Variants in GHR observed in about 807,000 individuals in gnomAD.
GHR encodes GH receptor.
GHR carries 35 observed loss-of-function variants against 67.1 expected under a neutral mutation model. That is an observed-to-expected ratio of 0.52 (90% CI 0.40 to 0.69). GHR has a LOEUF of 0.69. Ranked by LOEUF, GHR falls within the 30% of genes least tolerant of loss-of-function variation. The pLI, the probability that GHR is intolerant of heterozygous loss-of-function variation, is 0.00. For missense variants in GHR, 792 were observed against 764.6 expected, an observed-to-expected ratio of 1.04 and a Z score of -0.42; for synonymous variants, 272 against 269.1, an observed-to-expected ratio of 1.01 and a Z score of -0.10.
At chr5:42,444,143 C>T (rs1043439561) in intron 1 of GHR, among the ~76,000 whole-genome samples, 1 of 152,120 alleles carries the variant, frequency 6.6e-6, no homozygotes, top group African/African-American at 2.4e-5. Context: ...CAGTCCAATT[C>T]ATGATTTGTT....
At chr5:42,631,190 G>A (rs1310910670) in intron 3 of GHR, among the ~76,000 whole-genome samples, 2 of 152,186 alleles carry the variant, frequency 1.3e-5, no homozygotes, top group African/African-American at 2.4e-5. Context: ...TCTAGGTATG[G>A]AGGATGTGTT....
At chr5:42,474,582 G>T (rs897693716) in intron 1 of GHR, among the ~76,000 whole-genome samples, 3 of 152,022 alleles carry the variant, frequency 2.0e-5, no homozygotes, top group Non-Finnish European at 4.4e-5. Context: ...TCTGACCTAA[G>T]CCTGGGAACC....
intron 3 of GHR, among the ~76,000 whole-genome samples, chr5:42,651,758 T>A (rs1755027423): frequency 6.6e-6 from 1 of 152,212 alleles, no homozygotes; most frequent in East Asian, 1.9e-4. Context: ...ATCTTCAGTG[T>A]TATATCCCAA....
intron 1 of GHR, among the ~76,000 whole-genome samples, chr5:42,430,994 T>C (rs1743069619): frequency 6.6e-6 from 1 of 152,138 alleles, no homozygotes. Context: ...TTGCCAACTA[T>C]TTAACCTTCC....
intron 1 of GHR, among the ~76,000 whole-genome samples, chr5:42,564,941 A>T (rs1213948490): frequency 6.6e-6 from 1 of 152,248 alleles, no homozygotes; most frequent in African/African-American, 2.4e-5. Flanking sequence ...GCTCTACAAA[A>T]GGCAATACGC....
At chr5:42,491,413 A>C (rs1191883201) in intron 1 of GHR, among the ~76,000 whole-genome samples, 1 of 152,216 alleles carries the variant, frequency 6.6e-6, no homozygotes, top group African/African-American at 2.4e-5. Context: ...TGAAGCAGAG[A>C]TGGGTTTCAG....
chr5:42,490,143 CAG>C lies in GHR; in HGVS notation c.-12+66191_-12+66192del. Among the ~76,000 whole-genome samples, 2 of 152,310 alleles carry C rather than the reference CAG, an allele frequency of 1.3e-5. 1 individual carries two copies. ...TAGGTTTGCATTACTTAGATGTTCA[CAG>C]AGCTCTAGCATTTACTTACTGAAAC... On this transcript the variant is annotated intron_variant, in intron 1 of 9. Coordinates refer to ENST00000230882, the MANE Select transcript of GHR (RefSeq NM_000163.5).
At chr5:42,549,737 A>C (rs930439216) in intron 1 of GHR, 9 of 849,058 alleles carry the variant, frequency 1.1e-5, no homozygotes, top group Non-Finnish European at 1.1e-5. Flanking sequence ...GGCTGGATGT[A>C]CCTCTCTAAA....
At chr5:42,646,248 A>C (rs1286772810) in intron 3 of GHR, 1 of 413,026 alleles carries the variant, frequency 2.4e-6, no homozygotes, top group Non-Finnish European at 4.9e-6. Context: ...TAGGACTAGA[A>C]GTTGACCTCA....
At chr5:42,481,569 T>C (rs1745639042) in intron 1 of GHR, among the ~76,000 whole-genome samples, 2 of 152,220 alleles carry the variant, frequency 1.3e-5, no homozygotes, top group Admixed American at 1.3e-4. Context: ...CCATATTTCT[T>C]GGAGGCTTTG....
intron 1 of GHR, among the ~76,000 whole-genome samples, chr5:42,562,240 C>T (rs1317423165): frequency 3.3e-5 from 5 of 152,078 alleles, no homozygotes; most frequent in Admixed American, 2.0e-4. Context: ...TGTCACGTCT[C>T]GTGGCCTGGC....
chr5:42,622,925 G>A (rs1561175760), intron 2 of GHR, among the ~76,000 whole-genome samples: 1 of 152,058 alleles, frequency 6.6e-6, no homozygotes, highest in South Asian at 2.1e-4. Flanking sequence ...CCTGCACCAG[G>A]AGGGCCTAAA....
chr5:42,507,503 C>A (rs780169307), intron 1 of GHR, among the ~76,000 whole-genome samples: 7 of 152,146 alleles, frequency 4.6e-5, no homozygotes, highest in Non-Finnish European at 7.3e-5. Flanking sequence ...TACTCAAGTG[C>A]GATTGTAAAA....
chr5:42,526,871 C>G (rs1216941922), intron 1 of GHR, among the ~76,000 whole-genome samples: 2 of 152,168 alleles, frequency 1.3e-5, no homozygotes, highest in Non-Finnish European at 2.9e-5. Context: ...CCCCATCGGG[C>G]CAACAACAGA....
chr5:42,589,853 A>G (rs1751681608), intron 2 of GHR, among the ~76,000 whole-genome samples: 1 of 152,222 alleles, frequency 6.6e-6, no homozygotes, highest in South Asian at 2.1e-4. Flanking sequence ...ACATGGAAAG[A>G]GCCAGTGAAA....
At chr5:42,553,147 C>G (rs567126383) in intron 1 of GHR, among the ~76,000 whole-genome samples, 14 of 152,274 alleles carry the variant, frequency 9.2e-5, no homozygotes, top group African/African-American at 3.4e-4. Flanking sequence ...AACTTAGTGG[C>G]TTAAACAATA....
chr5:42,639,714 C>G (rs1248283328), intron 3 of GHR, among the ~76,000 whole-genome samples: 3 of 152,112 alleles, frequency 2.0e-5, no homozygotes, highest in African/African-American at 7.2e-5. Flanking sequence ...ATTCCAAAAA[C>G]TTTTGAAGTT....
Position 42,718,103 on chromosome 5 carries a change from C to A in GHR, c.927C>A (p.Ile309=). The A allele has an allele frequency of 2.0e-6, 3 of 1,531,122 alleles. No individual in the cohort carries two copies. Among genetic ancestry groups the A allele is most frequent in the Non-Finnish European group, 2.7e-6 (3 of 1,104,468 alleles). 94.8% of individuals were successfully genotyped at this position (1,531,122 alleles called of 1,614,324 possible). Residue 309 remains isoleucine (I), a synonymous_variant, in exon 9 of 10, where the codon ATC becomes ATA. Transcript: ENST00000230882. ...PPVPVPKIKG[I]DPDLLKEGKL... Reference sequence around the variant, plus strand: ...TTCCAGTTCCAAAGATTAAAGGAATCGATCCAGATCTCCTCAAGGTAACTA... The same window carrying A: ...TTCCAGTTCCAAAGATTAAAGGAATAGATCCAGATCTCCTCAAGGTAACTA...
chr5:42,653,739 G>A (rs999501267), intron 3 of GHR, among the ~76,000 whole-genome samples: 3 of 152,050 alleles, frequency 2.0e-5, no homozygotes, highest in Non-Finnish European at 1.5e-5. Context: ...TTGCTCTAGG[G>A]GGATATTAAG....
Sources: gnomAD v4.1 joint callset for allele counts (sites outside exome capture counted in the v4.1 genomes callset) on GRCh38, gnomAD v4.1.1 for gene constraint, MANE v1.5 for transcripts, NCBI Gene and HGNC (gene_info 2026-07-23, HGNC 2026-07-21) for gene names.